OSBP: variants seen among roughly 807,000 people sequenced by gnomAD.
OSBP encodes the protein oxysterol binding protein.
In OSBP, 32 loss-of-function variants were observed where a neutral mutation model predicts 96.6. That is an observed-to-expected ratio of 0.33 (90% CI 0.25 to 0.45). The LOEUF (loss-of-function observed/expected upper bound fraction) is 0.45, where lower values mean the gene tolerates loss of function less well. OSBP is among the 20% of genes least tolerant of loss of function. OSBP has a pLI of 1.00. For missense variants in OSBP, 653 were observed against 1,029.7 expected, an observed-to-expected ratio of 0.63 and a Z score of 5.01; for synonymous variants, 369 against 389.6, an observed-to-expected ratio of 0.95 and a Z score of 0.62.
Position 59,608,437 on chromosome 11 carries a change from A to G in OSBP, c.822+47T>C, listed in dbSNP as rs371847899. 3.1e-6 allele frequency: 5 copies of G among 1,612,188 alleles called. No homozygotes were observed. The African/African-American group carries it at 6.7e-5, about 22-fold the overall frequency. On this transcript the variant is annotated intron_variant, in intron 3 of 13. Coordinates refer to ENST00000263847, the MANE Select transcript of OSBP (RefSeq NM_002556.3). Reference sequence around the variant, plus strand: ...AGGCATTTGGGGAGAATTATGTTTCAAAGAGGGAATGAATCAAAAAGCAAC... The same window carrying G: ...AGGCATTTGGGGAGAATTATGTTTCGAAGAGGGAATGAATCAAAAAGCAAC...
Position 59,601,684 on chromosome 11 carries a change from G to T in OSBP, c.977C>A (p.Thr326Lys). Residue 326 changes from threonine (T) to lysine (K), a missense_variant, in exon 4 of 14, where the codon ACG (threonine) becomes AAG (lysine). Around this residue, in one of 6 missense-constraint regions of OSBP, gnomAD observed 308 missense variants for 573.1 expected, o/e 0.54. Coordinates refer to ENST00000263847, the MANE Select transcript of OSBP (RefSeq NM_002556.3). ...GCCAGGAGTGTTTGCCGGCAGCACC[G>T]TGGCTCCTCGGAAGGCCCTCTCCAG... is the stretch of plus-strand genomic sequence containing the variant. ...NHLERAFRGA[T>K]VLPANTPGNV... The T allele has an allele frequency of 6.2e-7, 1 of 1,613,372 alleles. No homozygotes were observed. The highest frequency in any genetic ancestry group is 8.5e-7 in the Non-Finnish European group (1 of 1,180,026).
At chr11:59,595,578 T>TATCTCA (rs1860639567) in intron 7 of OSBP, among the ~76,000 whole-genome samples, 1 of 152,086 alleles carries the variant, frequency 6.6e-6, no homozygotes, top group African/African-American at 2.4e-5. Context: ...AAGGAAAAAA[T>TATCTCA]TTTCTTGAAA....
chr11:59,574,800 G>C lies in OSBP; in HGVS notation c.*1777C>G, dbSNP rs948358081. ...TGTTTATCACAACTAGGAAGGAAGG[G>C]ATAGGGGAAGAAATAAAAGTATTAA... On this transcript the variant is annotated 3_prime_UTR_variant, in exon 14 of 14. Coordinates refer to ENST00000263847, the MANE Select transcript of OSBP (RefSeq NM_002556.3). 1.6e-4 allele frequency: 24 copies of C among 152,628 alleles called. No homozygotes were observed. The highest frequency in any genetic ancestry group is 5.8e-4 in the African/African-American group (24 of 41,450). 9.5% of individuals were successfully genotyped at this position (152,628 alleles called of 1,614,324 possible). A position where few individuals can be genotyped will look rare whatever the true frequency, so the allele number is the denominator to read the frequency against.
intron 9 of OSBP, among the ~76,000 whole-genome samples, chr11:59,591,296 A>G (rs955504522): frequency 6.6e-6 from 1 of 152,180 alleles, no homozygotes; most frequent in Non-Finnish European, 1.5e-5. Context: ...AAAGAAACCT[A>G]GATTAGTCAA....
At chr11:59,578,062 AGT>A in intron 12 of OSBP, 85 bp downstream of exon 12, 16 of 1,224,864 alleles carry the variant, frequency 1.3e-5, no homozygotes, top group Non-Finnish European at 1.9e-5. Flanking sequence ...CACATAATTA[AGT>A]GAGAGGGCAG....
rs895963620 is a variant in OSBP, at chr11:59,589,600, C to CA, written c.1678+4003dup. Among the ~76,000 whole-genome samples the CA allele has an allele frequency of 7.3e-5, 11 of 151,358 alleles. No homozygotes were observed. The East Asian group carries it at 1.2e-3, about 16-fold the overall frequency. ...TGGGCAACACAGCAAGACTTTGTCT[C>CA]AAAAAAAATAAATAAATAAATAAAA... On this transcript the variant is annotated intron_variant, in intron 9 of 13. Coordinates refer to ENST00000263847, the MANE Select transcript of OSBP (RefSeq NM_002556.3).
rs1432915356 is a variant in OSBP, at chr11:59,575,069, A to G, written c.*1508T>C. The G allele has an allele frequency of 6.6e-6, 1 of 152,218 alleles. No homozygotes were observed. Among genetic ancestry groups the G allele is most frequent in the Non-Finnish European group, 1.5e-5 (1 of 68,110 alleles). The allele number at this position is 152,218 out of a possible 1,614,324, so 9.4% of individuals were successfully genotyped here. ...ACAGAGAAGGAAGCCAGGGCCCCAC[A>G]GGAGCAATTATCTGATCCACCCCAC... is the stretch of plus-strand genomic sequence containing the variant. On this transcript the variant is annotated 3_prime_UTR_variant, in exon 14 of 14. Coordinates refer to ENST00000263847, the MANE Select transcript of OSBP (RefSeq NM_002556.3).
At chr11:59,582,904 G>C (rs1318875865) in intron 9 of OSBP, among the ~76,000 whole-genome samples, 1 of 152,156 alleles carries the variant, frequency 6.6e-6, no homozygotes, top group Admixed American at 6.5e-5. Flanking sequence ...ACATATAGCT[G>C]ACTCCTGTTC....
At chr11:59,597,260 G>A (rs1020048964) in intron 7 of OSBP, among the ~76,000 whole-genome samples, 2 of 151,996 alleles carry the variant, frequency 1.3e-5, no homozygotes, top group Non-Finnish European at 1.5e-5. Context: ...GGCCAGGCTG[G>A]TCTCGAACTC....
In OSBP at chr11:59,576,443, A is replaced by C. The variant is rs995839869; in HGVS notation, c.*134T>G. ...CACTGGTGTCTCCTTCTGGTGATTG[A>C]TTTGGAAAAAATGATTGGTCAAGAG... On this transcript the variant is annotated 3_prime_UTR_variant, in exon 14 of 14. Coordinates refer to ENST00000263847, the MANE Select transcript of OSBP (RefSeq NM_002556.3). The C allele has an allele frequency of 2.8e-5, 29 of 1,034,306 alleles. No individual in the cohort carries two copies. The highest frequency in any genetic ancestry group is 3.7e-5 in the Non-Finnish European group (26 of 710,306). 64.1% of individuals were successfully genotyped at this position (1,034,306 alleles called of 1,614,324 possible).
intron 2 of OSBP, among the ~76,000 whole-genome samples, chr11:59,608,955 C>T (rs1460514628): frequency 2.0e-5 from 3 of 152,154 alleles, no homozygotes; most frequent in Admixed American, 1.3e-4. Context: ...TCTCTAGGCC[C>T]ACCCCTAGAG....
intron 3 of OSBP, among the ~76,000 whole-genome samples, chr11:59,605,826 C>T (rs1860774367): frequency 6.6e-6 from 1 of 152,186 alleles, no homozygotes; most frequent in South Asian, 2.1e-4. Context: ...GTATCATTAC[C>T]ATTTACAGAT....
chr11:59,600,975 A>G, intron 5 of OSBP, 102 bp from the exon 6 acceptor site: 2 of 909,000 alleles, frequency 2.2e-6, no homozygotes, highest in African/African-American at 1.6e-5. Context: ...CACTGTATAA[A>G]CTTATTGATG....
At chr11:59,615,172 A>G (rs1860907018) in intron 1 of OSBP, 131 bp downstream of exon 1, 1 of 699,778 alleles carries the variant, frequency 1.4e-6, no homozygotes. Flanking sequence ...TGGGCTGTCA[A>G]TCCGCACAGA....
chr11:59,606,191 G>T (rs1341386000), intron 3 of OSBP, among the ~76,000 whole-genome samples: 1 of 152,058 alleles, frequency 6.6e-6, no homozygotes, highest in Non-Finnish European at 1.5e-5. Flanking sequence ...GACCATATCT[G>T]CCCTCAGCAA....
Position 59,597,222 on chromosome 11 carries a change from C to G in OSBP, c.1312-2967G>C, listed in dbSNP as rs555794223. Among the ~76,000 whole-genome samples the G allele has an allele frequency of 1.1e-4, 16 of 152,144 alleles. No homozygotes were observed. The East Asian group carries it at 3.1e-3, about 29-fold the overall frequency. ...TACAGACGCGCGCCAACATGCCCGGCTAATTTTTATATTTTTAGAGAGATG... is the reference window on the plus strand; with the variant it reads ...TACAGACGCGCGCCAACATGCCCGGGTAATTTTTATATTTTTAGAGAGATG... On this transcript the variant is annotated intron_variant, in intron 7 of 13. Transcript: ENST00000263847.
chr11:59,590,785 G>C (rs1860568737), intron 9 of OSBP, among the ~76,000 whole-genome samples: 1 of 152,178 alleles, frequency 6.6e-6, no homozygotes, highest in South Asian at 2.1e-4. Context: ...TGAGAATTGA[G>C]TGCCATGGCA....
Position 59,595,953 on chromosome 11 carries a change from AAATAAATAAAT to A in OSBP, c.1312-1709_1312-1699del, listed in dbSNP as rs1475794007. Among the ~76,000 whole-genome samples, 51 of 99,124 alleles carry A rather than the reference AAATAAATAAAT, an allele frequency of 5.1e-4. 1 individual carries two copies. The highest frequency in any genetic ancestry group is 1.9e-3 in the African/African-American group (48 of 25,280). The allele number at this position is 99,124 out of a possible 152,430, so 65.0% of individuals were successfully genotyped here. Reference sequence around the variant, plus strand: ...AGCGAGACTCTGTCTAAAAATAAATAAATAAATAAATAAATAAATAAATAAATAAATAAATA... The same window carrying A: ...AGCGAGACTCTGTCTAAAAATAAATAAAATAAATAAATAAATAAATAAATA... On this transcript the variant is annotated intron_variant, in intron 7 of 13. Coordinates refer to ENST00000263847, the MANE Select transcript of OSBP (RefSeq NM_002556.3).
At chr11:59,579,989 G>A (rs1860401940) in intron 11 of OSBP, among the ~76,000 whole-genome samples, 185 bp downstream of exon 11, 2 of 152,124 alleles carry the variant, frequency 1.3e-5, no homozygotes, top group Non-Finnish European at 2.9e-5. Context: ...TGGGATTACA[G>A]CTGTGAGCCA....
Sources: gnomAD v4.1 joint callset for allele counts (sites outside exome capture counted in the v4.1 genomes callset) on GRCh38, gnomAD v4.1.1 for gene constraint, gnomAD v4.1.1 regional missense constraint, MANE v1.5 for transcripts, NCBI Gene and HGNC (gene_info 2026-07-23, HGNC 2026-07-21) for gene names.